ZNF426: variants seen among roughly 807,000 people sequenced by gnomAD.
ZNF426 encodes the protein CTC-543D15.7.
Under a neutral mutation model 24.0 loss-of-function variants are expected in ZNF426, and 23 were observed. That is an observed-to-expected ratio of 0.96 (90% CI 0.69 to 1.36). ZNF426 has a LOEUF of 1.36. ZNF426 is among the 40% of genes most tolerant of loss of function. The pLI is 0.00. For missense variants in ZNF426, 646 were observed against 658.4 expected (o/e 0.98, Z 0.21); for synonymous variants, 272 against 224.6 (o/e 1.21, Z -1.89).
At position 9,525,518 on chromosome 19, in the gene ZNF426, AC is replaced by A. The variant is rs1164956134; in HGVS notation, c.*2861del. On this transcript the variant is annotated 3_prime_UTR_variant, in exon 8 of 8. Coordinates refer to ENST00000253115, the MANE Select transcript of ZNF426 (RefSeq NM_024106.3). ...TGTTGTTGTTTTGAGACAGAGTCTC[AC>A]TCTGTCACCCAGGCTGGAGTGCAGT... 2 of 151,416 alleles carry A rather than the reference AC, an allele frequency of 1.3e-5. No individual in the cohort carries two copies. The highest frequency in any genetic ancestry group is 4.9e-5 in the African/African-American group (2 of 41,112). The allele number at this position is 151,416 out of a possible 1,614,324, so 9.4% of individuals were successfully genotyped here. A position where few individuals can be genotyped will look rare whatever the true frequency, so the allele number is the denominator to read the frequency against.
chr19:9,534,316 C>T (rs1369137289), intron 4 of ZNF426, among the ~76,000 whole-genome samples: 1 of 152,138 alleles, frequency 6.6e-6, no homozygotes, highest in Non-Finnish European at 1.5e-5. Flanking sequence ...AGCAACTCTC[C>T]TGCTTCAGCC....
In ZNF426 at chr19:9,527,095, A is replaced by C. The variant is rs575636632; in HGVS notation, c.*1285T>G. ...GATTATTTTGATAGTATAAGGTACT[A>C]ACACTACTCAAGAAACGGTACAGTA... On this transcript the variant is annotated 3_prime_UTR_variant, in exon 8 of 8. Transcript: ENST00000253115. 8 of 152,298 alleles carry C rather than the reference A, an allele frequency of 5.3e-5. No individual in the cohort carries two copies. The East Asian group carries it at 1.5e-3, about 29-fold the overall frequency. 9.4% of individuals were successfully genotyped at this position (152,298 alleles called of 1,614,324 possible).
chr19:9,530,904 T>C, intron 7 of ZNF426, 81 bp downstream of exon 7: 4 of 1,146,432 alleles, frequency 3.5e-6, no homozygotes, highest in Non-Finnish European at 5.2e-6. Context: ...CAAATATCTC[T>C]TATTTTTGCT....
chr19:9,535,827 T>C (rs1422700709), intron 3 of ZNF426, among the ~76,000 whole-genome samples: 1 of 149,790 alleles, frequency 6.7e-6, no homozygotes, highest in South Asian at 2.1e-4. Context: ...GAGCGAGACT[T>C]TGTATAAGAA....
intron 6 of ZNF426, 80 bp downstream of exon 6, chr19:9,532,765 C>T (rs535738341): frequency 6.8e-6 from 7 of 1,028,344 alleles, no homozygotes; most frequent in African/African-American, 3.2e-5. Flanking sequence ...GGAGAAAGTA[C>T]ATGTTAAAAA....
At chr19:9,535,154 T>TGTCACTA (rs1211923571) in intron 4 of ZNF426, 34 bp downstream of exon 4, 1 of 1,538,620 alleles carries the variant, frequency 6.5e-7, no homozygotes, top group Non-Finnish European at 8.9e-7. Context: ...GATGCAAGTA[T>TGTCACTA]GTCACTATGT....
In ZNF426 at chr19:9,528,022, T is replaced by A; in HGVS notation, c.*358A>T. 1.3e-5 allele frequency: 2 copies of A among 158,748 alleles called. No individual in the cohort carries two copies. Among genetic ancestry groups the A allele is most frequent in the Non-Finnish European group, 2.7e-5 (2 of 73,578 alleles). The allele number at this position is 158,748 out of a possible 1,614,324, so 9.8% of individuals were successfully genotyped here. A position where few individuals can be genotyped will look rare whatever the true frequency, so the allele number is the denominator to read the frequency against. Reference sequence around the variant, plus strand: ...TTTTTTTTTTGAGATGGAGTCTCACTCCATCGCCCAGGCTGGAGTGCAGTG... The same window carrying A: ...TTTTTTTTTTGAGATGGAGTCTCACACCATCGCCCAGGCTGGAGTGCAGTG... On this transcript the variant is annotated 3_prime_UTR_variant, in exon 8 of 8. Coordinates refer to ENST00000253115, the MANE Select transcript of ZNF426 (RefSeq NM_024106.3).
Position 9,524,477 on chromosome 19 carries a change from G to A in ZNF426, c.*3903C>T, listed in dbSNP as rs2073771764. 6.6e-6 allele frequency: 1 copy of A among 152,180 alleles called. No individual in the cohort carries two copies. The highest frequency in any genetic ancestry group is 6.5e-5 in the Admixed American group (1 of 15,272). 9.4% of individuals were successfully genotyped at this position (152,180 alleles called of 1,614,324 possible). A position where few individuals can be genotyped will look rare whatever the true frequency, so the allele number is the denominator to read the frequency against. On this transcript the variant is annotated 3_prime_UTR_variant, in exon 8 of 8. Transcript: ENST00000253115. ...TGTGAGTTCTTTAATGACATGGAAA[G>A]GGACTGTAAGAATTGAAGAACTGGC...
In ZNF426 at chr19:9,535,196, A is replaced by C. The variant is rs1226915920; in HGVS notation, c.109T>G (p.Cys37Gly). Residue 37 changes from cysteine to glycine, a missense_variant, in exon 4 of 8, where the codon TGT becomes GGT. Cys to Gly is a radical substitution (Grantham distance 159). Transcript: ENST00000253115. ...GRIVADCLTD[C>G]YQDSVTFDDV... is the part of the protein sequence containing the mutation. ...ATACAGCTGCTTTTTACCTGATAACAATCTGTTAGGCAGTCAGCCACTATT... is the reference window on the plus strand; with the variant it reads ...ATACAGCTGCTTTTTACCTGATAACCATCTGTTAGGCAGTCAGCCACTATT... 4 of 1,612,486 alleles carry C rather than the reference A, an allele frequency of 2.5e-6. No homozygotes were observed. The highest frequency in any genetic ancestry group is 3.4e-6 in the Non-Finnish European group (4 of 1,179,172).
In ZNF426 at chr19:9,527,003, TTGTG is replaced by T. The variant is rs952325641; in HGVS notation, c.*1373_*1376del. 6.6e-6 allele frequency: 1 copy of T among 152,166 alleles called. No individual in the cohort carries two copies. Among genetic ancestry groups the T allele is most frequent in the African/African-American group, 2.4e-5 (1 of 41,436 alleles). The allele number at this position is 152,166 out of a possible 1,614,324, so 9.4% of individuals were successfully genotyped here. On this transcript the variant is annotated 3_prime_UTR_variant, in exon 8 of 8. Coordinates refer to ENST00000253115, the MANE Select transcript of ZNF426 (RefSeq NM_024106.3). Reference sequence around the variant, plus strand: ...AATGTATTAGATTACATATGCTAATTTGTGTGTGTTTATAGGCATAAAAGTGAAA... The same window carrying T: ...AATGTATTAGATTACATATGCTAATTTGTGTTTATAGGCATAAAAGTGAAA...
At chr19:9,538,047 G>A (rs1325318583) in intron 2 of ZNF426, among the ~76,000 whole-genome samples, 1 of 152,138 alleles carries the variant, frequency 6.6e-6, no homozygotes, top group African/African-American at 2.4e-5. Flanking sequence ...TTCTTTAGCA[G>A]AAAGACTTGC....
rs952028025 is a variant in ZNF426, at chr19:9,529,226, G to A, written c.819C>T (p.Thr273=). 4 of 1,613,876 alleles carry A rather than the reference G, an allele frequency of 2.5e-6. No individual in the cohort carries two copies. Among genetic ancestry groups the A allele is most frequent in the African/African-American group, 1.3e-5 (1 of 74,994 alleles). ...DSTSLSVLIE[T]LNAKKPYKCK... is the part of the protein sequence containing the mutation. ...ATTTGTAGGGCTTTTTTGCATTGAG[G>A]GTTTCTATAAGCACAGAAAGGCTTG... The change falls in exon 8 of 8, where the codon ACC becomes ACT. Residue 273 remains threonine (T), a synonymous_variant. Transcript: ENST00000253115.
intron 6 of ZNF426, among the ~76,000 whole-genome samples, chr19:9,532,245 G>A (rs1242044925): frequency 7.5e-6 from 1 of 132,774 alleles, no homozygotes; most frequent in African/African-American, 2.8e-5. Flanking sequence ...TAAAACTTAT[G>A]TTTTGTTTAT....
chr19:9,533,783 G>C, intron 5 of ZNF426, 57 bp downstream of exon 5: 1 of 1,605,642 alleles, frequency 6.2e-7, no homozygotes, highest in Non-Finnish European at 8.5e-7. Flanking sequence ...CTGCAAAACA[G>C]TAAGTACAAA....
chr19:9,536,529 T>C, intron 2 of ZNF426, 173 bp from the exon 3 acceptor site: 1 of 449,182 alleles, frequency 2.2e-6, no homozygotes, highest in Non-Finnish European at 3.9e-6. Flanking sequence ...AGCAAGACCC[T>C]ATCTCTAAAG....
At position 9,538,244 on chromosome 19, in the gene ZNF426, T is replaced by G. The variant is rs992915984; in HGVS notation, c.-125+15A>C. 1 of 152,136 alleles carries G rather than the reference T, an allele frequency of 6.6e-6. No homozygotes were observed. Among genetic ancestry groups the G allele is most frequent in the African/African-American group, 2.4e-5 (1 of 41,428 alleles). 9.4% of individuals were successfully genotyped at this position (152,136 alleles called of 1,614,324 possible). A position where few individuals can be genotyped will look rare whatever the true frequency, so the allele number is the denominator to read the frequency against. On this transcript the variant is annotated intron_variant, in intron 2 of 7. Coordinates refer to ENST00000253115, the MANE Select transcript of ZNF426 (RefSeq NM_024106.3). ...AGAAAAGGCCCCCTAGAACCAACTT[T>G]CACCCAGTGCTCACCGGAACACTCA...
Position 9,524,745 on chromosome 19 carries a change from C to T in ZNF426, c.*3635G>A, listed in dbSNP as rs139101489. ...GTAGTGAGCCAAGATTGAGCCATTG[C>T]ACTCCAGCCTGGGCAACAAGAGCAA... On this transcript the variant is annotated 3_prime_UTR_variant, in exon 8 of 8. Transcript: ENST00000253115. 576 of 132,368 alleles carry T rather than the reference C, an allele frequency of 4.4e-3. 2 individuals carry two copies. The highest frequency in any genetic ancestry group is 6.8e-3 in the Non-Finnish European group (439 of 64,536). 8.2% of individuals were successfully genotyped at this position (132,368 alleles called of 1,614,324 possible).
In ZNF426 at chr19:9,538,629, GC is replaced by G. The variant is rs2074004836; in HGVS notation, c.-267del. On this transcript the variant is annotated 5_prime_UTR_variant, in exon 1 of 8. Transcript: ENST00000253115. ...GCAAAAAGACTCTCAGGCGCTCACA[GC>G]CGGCGTCACAAAAGGAACGGCGCAC... The G allele has an allele frequency of 6.6e-6, 1 of 152,260 alleles. No individual in the cohort carries two copies. The highest frequency in any genetic ancestry group is 6.5e-5 in the Admixed American group (1 of 15,288). The allele number at this position is 152,260 out of a possible 1,614,324, so 9.4% of individuals were successfully genotyped here.
chr19:9,531,898 C>T (rs1030161270), intron 6 of ZNF426, among the ~76,000 whole-genome samples: 5 of 152,168 alleles, frequency 3.3e-5, no homozygotes, highest in South Asian at 4.2e-4. Context: ...GGCAGGAGAA[C>T]GGCATAAACC....
Sources: gnomAD v4.1 joint callset for allele counts (sites outside exome capture counted in the v4.1 genomes callset) on GRCh38, gnomAD v4.1.1 for gene constraint, MANE v1.5 for transcripts, NCBI Gene and HGNC (gene_info 2026-07-23, HGNC 2026-07-21) for gene names.